DHTKD1: variants seen among roughly 807,000 people sequenced by gnomAD.
The protein encoded by DHTKD1 is 2-oxoadipate dehydrogenase complex component E1.
DHTKD1 carries 78 observed loss-of-function variants against 101.8 expected under a neutral mutation model. The observed-to-expected ratio is 0.77, with a 90% CI of 0.64 to 0.93. The LOEUF (loss-of-function observed/expected upper bound fraction) is 0.93. DHTKD1 is among the 40% of genes least tolerant of loss of function. The probability of loss-of-function intolerance (pLI) is 0.00; values close to 1 mark genes in which losing one functional copy is unlikely to be tolerated. For missense variants in DHTKD1, 1,223 were observed against 1,161.7 expected, an observed-to-expected ratio of 1.05 and a Z score of -0.77; for synonymous variants, 462 against 450.3, an observed-to-expected ratio of 1.03 and a Z score of -0.33.
At chr10:12,078,826 G>T (rs550127924) in intron 1 of DHTKD1, among the ~76,000 whole-genome samples, 2 of 151,950 alleles carry the variant, frequency 1.3e-5, no homozygotes, top group Non-Finnish European at 2.9e-5. Context: ...GACCACACCC[G>T]ACTAATTTTT....
chr10:12,095,003 A>T (rs1365231328), intron 7 of DHTKD1, among the ~76,000 whole-genome samples: 1 of 152,244 alleles, frequency 6.6e-6, no homozygotes, highest in African/African-American at 2.4e-5. Flanking sequence ...TAGAAAACTC[A>T]GCAGATGGGA....
intron 16 of DHTKD1, 119 bp downstream of exon 16, chr10:12,120,386 T>G (rs1588621696): frequency 4.8e-6 from 4 of 838,494 alleles, no homozygotes; most frequent in East Asian, 5.3e-5. Context: ...CAGGCTGGAG[T>G]GCAGTGGCGC....
At chr10:12,117,103 A>G (rs1409179395) in intron 13 of DHTKD1, among the ~76,000 whole-genome samples, 2 of 151,690 alleles carry the variant, frequency 1.3e-5, no homozygotes, top group East Asian at 1.9e-4. Context: ...TCTGGGTTCA[A>G]GCAATTCTCC....
intron 3 of DHTKD1, among the ~76,000 whole-genome samples, chr10:12,085,458 C>T (rs959705176): frequency 1.8e-4 from 27 of 152,148 alleles, no homozygotes; most frequent in African/African-American, 6.5e-4. Context: ...CTGAGCATAT[C>T]ACTTTATTCT....
intron 16 of DHTKD1, 68 bp from the exon 17 acceptor site, chr10:12,120,719 T>C: frequency 7.6e-7 from 1 of 1,309,610 alleles, no homozygotes; most frequent in South Asian, 1.2e-5. Flanking sequence ...TGCACTGTCT[T>C]GTTGGAACTA....
At chr10:12,100,084 C>A in intron 8 of DHTKD1, 94 bp from the exon 9 acceptor site, 1 of 688,126 alleles carries the variant, frequency 1.5e-6, no homozygotes, top group Non-Finnish European at 2.4e-6. Flanking sequence ...GCATGAGCCA[C>A]CATGCCTGGC....
intron 6 of DHTKD1, 86 bp from the exon 7 acceptor site, chr10:12,093,987 C>A: frequency 8.3e-7 from 1 of 1,205,504 alleles, no homozygotes; most frequent in Non-Finnish European, 1.2e-6. Context: ...ATTGGGCTGT[C>A]TTTTGATGCA....
intron 1 of DHTKD1, among the ~76,000 whole-genome samples, chr10:12,078,916 C>T (rs897476497): frequency 6.6e-6 from 1 of 152,068 alleles, no homozygotes; most frequent in Non-Finnish European, 1.5e-5. Flanking sequence ...CCACTGGCCT[C>T]GGCCTCTAAG....
Position 12,087,699 on chromosome 10 carries a change from ATT to A in DHTKD1, c.688_689del (p.Leu230AspfsTer14). On this transcript the variant is annotated frameshift_variant, in exon 4 of 17. Coordinates refer to ENST00000263035, the MANE Select transcript of DHTKD1 (RefSeq NM_018706.7). LOFTEE classifies it high-confidence loss of function. This position sits in a 1 kb window ranked among gnomAD's most constrained non-coding sequence, Gnocchi z 5.2. The part of the protein sequence containing the change: ...GMPHRGRLNL[L>X]TGLLQFPPEL... ...TGCCCCATAGAGGGAGGCTGAATTT[ATT>A]GACAGGCCTTCTGCAGTTCCCTCCA... is the stretch of plus-strand genomic sequence containing the variant. The A allele has an allele frequency of 6.2e-7, 1 of 1,609,296 alleles. No individual in the cohort carries two copies. The highest frequency in any genetic ancestry group is 8.5e-7 in the Non-Finnish European group (1 of 1,177,788).
At chr10:12,100,287 GTTTTTT>G in intron 9 of DHTKD1, 25 bp downstream of exon 9, 1 of 269,862 alleles carries the variant, frequency 3.7e-6, no homozygotes, top group Non-Finnish European at 6.1e-6. Context: ...TTTTTTTTCT[GTTTTTT>G]TTTTTTTTGA....
Position 12,101,149 on chromosome 10 carries a change from C to T in DHTKD1, c.1864C>T (p.His622Tyr), listed in dbSNP as rs1462585733. The change falls in exon 10 of 17, where the codon CAT (histidine) becomes TAT (tyrosine). Residue 622 changes from histidine (H) to tyrosine (Y), a missense_variant. Transcript: ENST00000263035. Reference sequence around the variant, plus strand: ...GGATGACACCTACATCCCCCTGAACCATATGGACCCAAATCAGAAGGGGTT... The same window carrying T: ...GGATGACACCTACATCCCCCTGAACTATATGGACCCAAATCAGAAGGGGTT... ...ETDDTYIPLN[H>Y]MDPNQKGFLE... is the part of the protein sequence containing the mutation. 1.9e-6 allele frequency: 3 copies of T among 1,614,012 alleles called. No individual in the cohort carries two copies. Among genetic ancestry groups the T allele is most frequent in the Non-Finnish European group, 2.5e-6 (3 of 1,179,992 alleles).
chr10:12,097,644 C>CA, intron 7 of DHTKD1, 40 bp from the exon 8 acceptor site: 1 of 1,544,790 alleles, frequency 6.5e-7, no homozygotes, highest in Non-Finnish European at 8.8e-7. Context: ...TAGATTGTTA[C>CA]AGGTCAGACT....
At chr10:12,075,114 A>G (rs1342333799) in intron 1 of DHTKD1, among the ~76,000 whole-genome samples, 3 of 152,190 alleles carry the variant, frequency 2.0e-5, no homozygotes, top group African/African-American at 7.2e-5. Flanking sequence ...TTGTCTCAAA[A>G]AAAGAAAAAA....
At chr10:12,117,304 CT>C (rs71382683) in intron 13 of DHTKD1, among the ~76,000 whole-genome samples, 30,272 of 71,476 alleles carry the variant, frequency 0.42, 6,638 homozygotes, top group South Asian at 0.61. Flanking sequence ...GCCACGGCAC[CT>C]TTTTTTTTTT....
intron 8 of DHTKD1, 29 bp downstream of exon 8, chr10:12,098,025 GCTTCTC>G: frequency 6.4e-7 from 1 of 1,570,092 alleles, no homozygotes; most frequent in Non-Finnish European, 8.7e-7. Context: ...GCTGGTTATT[GCTTCTC>G]CTTCCTGCTC....
Position 12,081,574 on chromosome 10 carries a change from T to C in DHTKD1, c.257T>C (p.Val86Ala). Residue 86 changes from valine to alanine, a missense_variant, in exon 2 of 17, where the codon GTG becomes GCG. By Grantham distance (64) the Val-to-Ala change is moderately conservative. Transcript: ENST00000263035. ...LFTGQALLENVPEIQALVQTL... is the reference protein window; with the variant it reads ...LFTGQALLENAPEIQALVQTL... ...ACCGGACAAGCCCTGCTGGAGAATG[T>C]GCCTGAAATCCAAGCCCTGGTGCAG... 1 of 1,614,190 alleles carries C rather than the reference T, an allele frequency of 6.2e-7. No homozygotes were observed. Among genetic ancestry groups the C allele is most frequent in the Non-Finnish European group, 8.5e-7 (1 of 1,180,044 alleles).
intron 9 of DHTKD1, 22 bp downstream of exon 9, chr10:12,100,284 TCTG>T (rs750542818): frequency 2.7e-5 from 22 of 806,104 alleles, no homozygotes; most frequent in African/African-American, 6.3e-5. Context: ...CTTTTTTTTT[TCTG>T]TTTTTTTTTT....
chr10:12,079,758 G>A, intron 1 of DHTKD1, among the ~76,000 whole-genome samples: 1 of 152,188 alleles, frequency 6.6e-6, no homozygotes, highest in Non-Finnish European at 1.5e-5. Flanking sequence ...AAATATAAAG[G>A]TTTCCTACTT....
At position 12,110,261 on chromosome 10, in the gene DHTKD1, C is replaced by T. The variant is rs7093645; in HGVS notation, c.2154+2246C>T. Among the ~76,000 whole-genome samples, 122 of 152,224 alleles carry T rather than the reference C, an allele frequency of 8.0e-4. No individual in the cohort carries two copies. The highest frequency in any genetic ancestry group is 2.9e-3 in the African/African-American group (120 of 41,542). On this transcript the variant is annotated intron_variant, in intron 12 of 16. Transcript: ENST00000263035. The surrounding 1 kb of genome is among the most constrained non-coding windows in gnomAD (Gnocchi z 4.9). ...TGCAGTGAGCTGAGATTGCGCCATG[C>T]ACTCCAGCCTGGGTGACAGAGCGAG...
Sources: allele counts gnomAD v4.1 joint callset (sites outside exome capture counted in the v4.1 genomes callset), GRCh38; gene constraint gnomAD v4.1.1; non-coding constraint Gnocchi (gnomAD v3.1); transcripts MANE v1.5; gene names NCBI Gene and HGNC (gene_info 2026-07-23, HGNC 2026-07-21).